The following RELN variants were observed in gnomAD, a reference collection of about 807,000 sequenced individuals.
RELN encodes the protein reelin.
Under a neutral mutation model 427.6 loss-of-function variants are expected in RELN, and 108 were observed. That is an observed-to-expected ratio of 0.25 (90% CI 0.22 to 0.30). The LOEUF (loss-of-function observed/expected upper bound fraction) is 0.30. RELN is among the 10% of genes least tolerant of loss of function. The pLI, the probability that RELN is intolerant of heterozygous loss-of-function variation, is 1.00. For synonymous variants in RELN, 1,524 were observed against 1,513.4 expected (o/e 1.01, Z -0.16); for missense variants, 3,715 against 4,302.8 (o/e 0.86, Z 3.82).
At chr7:103,492,914 T>C (rs904733451) in intron 57 of RELN, among the ~76,000 whole-genome samples, 8 of 151,868 alleles carry the variant, frequency 5.3e-5, no homozygotes, top group Non-Finnish European at 1.0e-4. Flanking sequence ...TGGTGGGACA[T>C]CAAGAGCACA....
intron 2 of RELN, among the ~76,000 whole-genome samples, chr7:103,868,566 T>C (rs904891828): frequency 4.6e-5 from 7 of 152,022 alleles, no homozygotes; most frequent in Admixed American, 2.6e-4. Flanking sequence ...AGTCTGTCCA[T>C]CCAGATCACC....
At chr7:103,660,054 CTTATATAAAGACAA>C (rs1469809088) in intron 12 of RELN, among the ~76,000 whole-genome samples, 6 of 151,848 alleles carry the variant, frequency 4.0e-5, no homozygotes, top group African/African-American at 1.5e-4. Flanking sequence ...AAAGATTAAT[CTTATATAAAGACAA>C]TTATATAAAG....
At chr7:103,823,871 C>T (rs264375) in intron 3 of RELN, among the ~76,000 whole-genome samples, 128,749 of 151,984 alleles carry the variant, frequency 0.85, 54,747 homozygotes, top group East Asian at 0.97. Context: ...GGTAAAAATA[C>T]CAAACTGCAT....
At chr7:103,574,491 C>A (rs1278185947) in intron 29 of RELN, among the ~76,000 whole-genome samples, 192 bp from the exon 30 acceptor site, 1 of 152,164 alleles carries the variant, frequency 6.6e-6, no homozygotes, top group African/African-American at 2.4e-5. Flanking sequence ...CACTATTCTG[C>A]CTCTGTAAAT....
intron 27 of RELN, among the ~76,000 whole-genome samples, chr7:103,591,639 T>C (rs1360732830): frequency 1.3e-5 from 2 of 152,184 alleles, no homozygotes; most frequent in Non-Finnish European, 2.9e-5. Flanking sequence ...CAGTGGCCTT[T>C]GGTTGGTGTG....
intron 11 of RELN, among the ~76,000 whole-genome samples, chr7:103,668,568 A>G (rs1833321966): frequency 6.6e-6 from 1 of 152,186 alleles, no homozygotes; most frequent in Non-Finnish European, 1.5e-5. Context: ...GTATGCCAGG[A>G]TGATTAGGTT....
intron 1 of RELN, among the ~76,000 whole-genome samples, chr7:103,959,121 TTAG>T (rs151114357): frequency 0.086 from 13,033 of 152,174 alleles, 608 homozygotes; most frequent in Middle Eastern, 0.13. Context: ...TTTCGTATTT[TTAG>T]TAGAGACGGG....
intron 48 of RELN, among the ~76,000 whole-genome samples, chr7:103,519,754 T>C (rs148003367): frequency 1.1e-4 from 17 of 152,218 alleles, no homozygotes; most frequent in African/African-American, 2.4e-4. Flanking sequence ...AGCTAATTTT[T>C]TGTAGAGACA....
intron 22 of RELN, among the ~76,000 whole-genome samples, chr7:103,607,142 T>C (rs182660100): frequency 0.02 from 2,964 of 150,596 alleles, 85 homozygotes; most frequent in Admixed American, 0.092. Flanking sequence ...ATACCTAATG[T>C]TAAATGATGA....
chr7:103,781,682 CCT>C (rs745388237), intron 3 of RELN, among the ~76,000 whole-genome samples: 8 of 152,056 alleles, frequency 5.3e-5, no homozygotes, highest in Non-Finnish European at 1.0e-4. Context: ...CCACCCAGCC[CCT>C]GATAACCCCC....
At chr7:103,555,759 C>T (rs2117164561) in intron 38 of RELN, among the ~76,000 whole-genome samples, 1 of 152,340 alleles carries the variant, frequency 6.6e-6, no homozygotes, top group South Asian at 2.1e-4. Context: ...AGTTGTGAGC[C>T]ACTGCGCCTG....
intron 63 of RELN, 61 bp from the exon 64 acceptor site, chr7:103,478,455 A>C (rs1484149061): frequency 4.1e-6 from 3 of 729,844 alleles, no homozygotes; most frequent in Non-Finnish European, 7.5e-6. Flanking sequence ...AATGCCTTTC[A>C]ATGCATGCAG....
intron 10 of RELN, among the ~76,000 whole-genome samples, chr7:103,695,415 T>G (rs1220153732): frequency 6.6e-6 from 1 of 152,032 alleles, no homozygotes; most frequent in Admixed American, 6.6e-5. Context: ...TTAATAGACA[T>G]AGGTCACTCG....
chr7:103,957,286 T>C (rs1228938327), intron 1 of RELN, among the ~76,000 whole-genome samples: 1 of 152,256 alleles, frequency 6.6e-6, no homozygotes, highest in South Asian at 2.1e-4. Flanking sequence ...ATTCTTTTTA[T>C]ATACAGTTTG....
rs578140930 is a variant in RELN at position 103,978,916 on chromosome 7, A to G, written c.226+10215T>C. On this transcript the variant is annotated intron_variant, in intron 1 of 64. Coordinates refer to ENST00000428762, the MANE Select transcript of RELN (RefSeq NM_005045.4). ...CCCTCCCCACCCTGGAGGCTCACAG[A>G]TTTGCACATCAGAGCTACAACTTAG... Among the ~76,000 whole-genome samples the G allele has an allele frequency of 2.6e-5, 4 of 152,284 alleles. No homozygotes were observed. In the South Asian group the frequency reaches 8.3e-4, roughly 32 times the overall value.
At chr7:103,836,766 G>A (rs1053840113) in intron 2 of RELN, among the ~76,000 whole-genome samples, 1 of 152,086 alleles carries the variant, frequency 6.6e-6, no homozygotes, top group Non-Finnish European at 1.5e-5. Flanking sequence ...AGCAAACCCA[G>A]GTAGCTACTC....
intron 6 of RELN, among the ~76,000 whole-genome samples, chr7:103,734,502 A>T (rs1017860761): frequency 1.3e-5 from 2 of 152,204 alleles, no homozygotes; most frequent in African/African-American, 4.8e-5. Context: ...ATTAAAAGAC[A>T]TTTTAAGGGA....
At chr7:103,715,797 C>A (rs73177988) in intron 8 of RELN, among the ~76,000 whole-genome samples, 18,920 of 152,244 alleles carry the variant, frequency 0.12, 1,287 homozygotes, top group Middle Eastern at 0.28. Flanking sequence ...CCACCCCCTG[C>A]AGGTTTTCTC....
At chr7:103,682,511 T>C (rs1054483131) in intron 10 of RELN, among the ~76,000 whole-genome samples, 5 of 152,230 alleles carry the variant, frequency 3.3e-5, no homozygotes, top group Middle Eastern at 6.3e-3. Context: ...CTGTCTTCAG[T>C]ATGAAACAAG....
Sources: gnomAD v4.1 joint callset for allele counts (sites outside exome capture counted in the v4.1 genomes callset) on GRCh38, gnomAD v4.1.1 for gene constraint, MANE v1.5 for transcripts, NCBI Gene and HGNC (gene_info 2026-07-23, HGNC 2026-07-21) for gene names.